The following TRPM3 variants were observed in gnomAD, a reference collection of about 807,000 sequenced individuals.
TRPM3 encodes long transient receptor potential channel 3.
Under a neutral mutation model 181.2 loss-of-function variants are expected in TRPM3, and 77 were observed. The ratio of observed to expected loss-of-function variants is 0.42; its 90% CI spans 0.35 to 0.51. TRPM3 has a LOEUF of 0.51. Ranked by LOEUF, TRPM3 falls within the 20% of genes least tolerant of loss-of-function variation. TRPM3 has a pLI of 0.01. For synonymous variants in TRPM3, 745 were observed against 796.4 expected, an observed-to-expected ratio of 0.94 and a Z score of 1.09; for missense variants, 1,759 against 2,196.7, an observed-to-expected ratio of 0.80 and a Z score of 3.98.
At chr9:70,875,965 G>A (rs1017077155) in intron 1 of TRPM3, among the ~76,000 whole-genome samples, 1 of 151,754 alleles carries the variant, frequency 6.6e-6, no homozygotes, top group Non-Finnish European at 1.5e-5. Context: ...TAAATTGTTA[G>A]GTAGAAAATA....
At chr9:70,776,924 C>T (rs532590958) in intron 7 of TRPM3, among the ~76,000 whole-genome samples, 1 of 152,282 alleles carries the variant, frequency 6.6e-6, no homozygotes, top group Non-Finnish European at 1.5e-5. Flanking sequence ...GTGGGCCCCA[C>T]CCCACGTGCA....
intron 1 of TRPM3, among the ~76,000 whole-genome samples, chr9:71,016,422 C>G (rs56949278): frequency 6.6e-6 from 1 of 152,012 alleles, no homozygotes; most frequent in South Asian, 2.1e-4. Flanking sequence ...AGTAAGTCAT[C>G]ATTCCTCCCT....
chr9:71,297,659 C>T (rs1353830120), intron 1 of TRPM3, among the ~76,000 whole-genome samples: 1 of 152,180 alleles, frequency 6.6e-6, no homozygotes, highest in Non-Finnish European at 1.5e-5. Context: ...CACTGGGTCC[C>T]TCCCACTACA....
At chr9:70,665,927 A>G (rs1354284673) in intron 9 of TRPM3, among the ~76,000 whole-genome samples, 1 of 152,164 alleles carries the variant, frequency 6.6e-6, no homozygotes, top group African/African-American at 2.4e-5. Flanking sequence ...TATATGCTTC[A>G]TTTTTACTAA....
At chr9:71,264,946 G>T (rs1588191019) in intron 1 of TRPM3, among the ~76,000 whole-genome samples, 1 of 152,150 alleles carries the variant, frequency 6.6e-6, no homozygotes, top group South Asian at 2.1e-4. Context: ...TGTATTAGTG[G>T]TGCGTGGGTG....
chr9:70,776,656 G>A (rs1170156636), intron 7 of TRPM3, among the ~76,000 whole-genome samples: 3 of 152,132 alleles, frequency 2.0e-5, no homozygotes, highest in Non-Finnish European at 2.9e-5. Context: ...TCTGATAGAC[G>A]TTTGGAACAA....
rs74921817 is a variant in TRPM3, at chr9:70,642,714, C to T, written c.1346-2054G>A. Among the ~76,000 whole-genome samples the T allele has an allele frequency of 5.0e-3, 757 of 152,314 alleles. 9 individuals carry two copies. Among genetic ancestry groups the T allele is most frequent in the African/African-American group, 0.017 (716 of 41,572 alleles). On this transcript the variant is annotated intron_variant, in intron 9 of 25. Coordinates refer to ENST00000677713, the MANE Select transcript of TRPM3 (RefSeq NM_001366145.2). Reference sequence around the variant, plus strand: ...CTTACCCTCGCCTCTTCCCTCTGGGCTCTGAGATACTGACGTTATAAATTA... The same window carrying T: ...CTTACCCTCGCCTCTTCCCTCTGGGTTCTGAGATACTGACGTTATAAATTA...
At chr9:71,271,981 G>T (rs78067752) in intron 1 of TRPM3, among the ~76,000 whole-genome samples, 1 of 152,194 alleles carries the variant, frequency 6.6e-6, no homozygotes, top group Non-Finnish European at 1.5e-5. Context: ...CCACTTATCC[G>T]ATCCTTGTTG....
At chr9:71,235,163 C>A (rs184941104) in intron 1 of TRPM3, among the ~76,000 whole-genome samples, 2 of 152,318 alleles carry the variant, frequency 1.3e-5, no homozygotes, top group Admixed American at 1.3e-4. Flanking sequence ...TAATGCTGTT[C>A]TTTGCATTGT....
chr9:70,606,873 A>G (rs1010982784), intron 19 of TRPM3, among the ~76,000 whole-genome samples: 1 of 152,264 alleles, frequency 6.6e-6, no homozygotes, highest in Non-Finnish European at 1.5e-5. Flanking sequence ...ACAGTTTGCT[A>G]TGGATCCCTG....
rs547336208 is a variant in TRPM3 at position 71,170,123 on chromosome 9, T to C, written c.183+276530A>G. Among the ~76,000 whole-genome samples, 7 of 150,428 alleles carry C rather than the reference T, an allele frequency of 4.7e-5. 1 individual carries two copies. The highest frequency in any genetic ancestry group is 2.0e-4 in the East Asian group (1 of 5,092). On this transcript the variant is annotated intron_variant, in intron 1 of 24. Transcript: ENST00000357533. Reference sequence around the variant, plus strand: ...AATGGAAAATAAGAGGAAAGAAGCATAGGAGAAGAAATTGGAGGTAGAGAA... The same window carrying C: ...AATGGAAAATAAGAGGAAAGAAGCACAGGAGAAGAAATTGGAGGTAGAGAA...
intron 25 of TRPM3, among the ~76,000 whole-genome samples, chr9:70,542,230 A>G (rs2043573380): frequency 2.0e-5 from 3 of 152,246 alleles, no homozygotes; most frequent in South Asian, 2.1e-4. Flanking sequence ...ACTGATTCTG[A>G]TCAAAGAATT....
intron 1 of TRPM3, among the ~76,000 whole-genome samples, chr9:71,253,755 T>C (rs1273994490): frequency 1.3e-5 from 2 of 152,136 alleles, no homozygotes; most frequent in African/African-American, 2.4e-5. Flanking sequence ...TACACTCCCA[T>C]GTTCCTTGCA....
At chr9:71,390,103 T>C (rs1198650048) in intron 1 of TRPM3, among the ~76,000 whole-genome samples, 3 of 151,998 alleles carry the variant, frequency 2.0e-5, no homozygotes, top group African/African-American at 7.2e-5. Flanking sequence ...TAGATATCAG[T>C]AGATAGTTAG....
chr9:70,567,562 C>T (rs1284075278), intron 22 of TRPM3, among the ~76,000 whole-genome samples: 2 of 152,182 alleles, frequency 1.3e-5, no homozygotes, highest in Admixed American at 1.3e-4. Flanking sequence ...GCGAATGCTT[C>T]ATGCAGTGCC....
intron 1 of TRPM3, among the ~76,000 whole-genome samples, chr9:71,290,262 C>T (rs1417632459): frequency 6.6e-6 from 1 of 151,714 alleles, no homozygotes; most frequent in Non-Finnish European, 1.5e-5. Flanking sequence ...TAAGATAGTA[C>T]AGGAATAAAT....
intron 1 of TRPM3, among the ~76,000 whole-genome samples, chr9:70,966,660 G>A (rs1047304419): frequency 6.6e-6 from 1 of 151,968 alleles, no homozygotes; most frequent in Admixed American, 6.6e-5. Flanking sequence ...CAAACACCGC[G>A]TGTTCTCACT....
chr9:71,287,347 C>A (rs2309916), intron 1 of TRPM3, among the ~76,000 whole-genome samples: 32,374 of 151,338 alleles, frequency 0.21, 3,784 homozygotes, highest in African/African-American at 0.27. Flanking sequence ...AAGTCTCAGG[C>A]ATTTCAGAAT....
At chr9:70,748,642 C>A (rs1036508415) in intron 8 of TRPM3, among the ~76,000 whole-genome samples, 2 of 152,052 alleles carry the variant, frequency 1.3e-5, no homozygotes, top group African/African-American at 4.8e-5. Flanking sequence ...GCTTGCTTGC[C>A]CCCTCCACCA....
Sources: allele counts gnomAD v4.1 joint callset (sites outside exome capture counted in the v4.1 genomes callset), GRCh38; gene constraint gnomAD v4.1.1; transcripts MANE v1.5; gene names NCBI Gene and HGNC (gene_info 2026-07-23, HGNC 2026-07-21).